MAP7D3: variants seen among roughly 807,000 people sequenced by gnomAD.
The protein encoded by MAP7D3 is MAP7 domain containing 3.
A neutral mutation model predicts 62.2 loss-of-function variants in MAP7D3; 45 were observed. That is an observed-to-expected ratio of 0.72 (90% CI 0.57 to 0.93). MAP7D3 has a LOEUF of 0.93. Ranked by LOEUF, MAP7D3 falls within the 40% of genes least tolerant of loss-of-function variation. The pLI is 0.00. For synonymous variants in MAP7D3, 288 were observed against 248.8 expected (o/e 1.16, Z -1.48); for missense variants, 711 against 683.1 (o/e 1.04, Z -0.45).
At chrX:136,256,195 C>T, upstream of MAP7D3, 15 of 1,130,848 alleles carry the variant, frequency 1.3e-5, no homozygotes, top group Non-Finnish European at 1.7e-5. Flanking sequence ...GACTGTGATG[C>T]CCGGGAAGAG....
Position 136,251,324 on chromosome X carries a change from C to A in MAP7D3, c.35G>T (p.Gly12Val), listed in dbSNP as rs1250629517. 1,323 of 1,128,225 alleles carry A rather than the reference C, an allele frequency of 1.2e-3. No homozygotes were observed. Among genetic ancestry groups the A allele is most frequent in the Non-Finnish European group, 1.5e-3 (1,263 of 860,250 alleles). The allele number at this position is 1,128,225 out of a possible 1,213,427, so 93.0% of individuals were successfully genotyped here. ...MADGAAAGAG[G>V]SPSLRELRAR... ...CCGCAGCTCTCTCAAGGATGGGCTG[C>A]CGCCAGCGCCAGCTGCGGCGCCGTC... Residue 12 changes from glycine (G) to valine (V), a missense_variant, in exon 1 of 19, where the codon GGC becomes GTC. Transcript: ENST00000316077.
rs146428274 is a variant in MAP7D3 at position 136,227,882 on chromosome X, T to G, written c.1887-451A>C. Among the ~76,000 whole-genome samples, 126 of 111,986 alleles carry G rather than the reference T, an allele frequency of 1.1e-3. 1 individual carries two copies. Among genetic ancestry groups the G allele is most frequent in the African/African-American group, 3.9e-3 (119 of 30,831 alleles). ...TTATATGAAGCGATGAATAATATTC[T>G]TCAAGTTAGAGGTTTTTTTTGTAAT... is the stretch of plus-strand genomic sequence containing the variant. On this transcript the variant is annotated intron_variant, in intron 11 of 18. Coordinates refer to ENST00000316077, the MANE Select transcript of MAP7D3 (RefSeq NM_024597.4).
chrX:136,240,471 G>A lies in MAP7D3; in HGVS notation c.551C>T (p.Ala184Val), dbSNP rs1389674962. 15 of 1,176,548 alleles carry A rather than the reference G, an allele frequency of 1.3e-5. No homozygotes were observed. Among genetic ancestry groups the A allele is most frequent in the Non-Finnish European group, 1.7e-5 (15 of 863,717 alleles). Residue 184 changes from alanine to valine, a missense_variant, in exon 6 of 19, where the codon GCA becomes GTA. By Grantham distance (64) the Ala-to-Val change is moderately conservative. Transcript: ENST00000316077. ...SESKTANKRS[A>V]STEKLEQGTS... ...ACCCTGTTCAAGTTTTTCAGTAGAT[G>A]CAGATCGTTTATTGGCTGAGAAAAG...
At chrX:136,219,186 A>G (rs965970341) in intron 18 of MAP7D3, among the ~76,000 whole-genome samples, 3 of 112,189 alleles carry the variant, frequency 2.7e-5, no homozygotes, top group African/African-American at 9.7e-5. Context: ...GAAATGTGGT[A>G]CATAAAAATT....
Position 136,232,183 on chromosome X carries a change from A to G in MAP7D3, c.774T>C (p.Thr258=). The change falls in exon 8 of 19, where the codon ACT becomes ACC. Residue 258 remains threonine, a synonymous_variant. Transcript: ENST00000316077. ...GVTNYVMQYV[T]VPLRKCTSDE... ...CGCTAGTACATTTACGCAAGGGTAC[A>G]GTGACATACTGCATTACATAATTGG... 8.3e-7 allele frequency: 1 copy of G among 1,205,715 alleles called. No homozygotes were observed. The highest frequency in any genetic ancestry group is 1.1e-6 in the Non-Finnish European group (1 of 890,140).
chrX:136,237,172 G>A (rs899576066), intron 6 of MAP7D3, among the ~76,000 whole-genome samples: 1 of 111,920 alleles, frequency 8.9e-6, no homozygotes, highest in Non-Finnish European at 1.9e-5. Context: ...TTTCTCTTTT[G>A]GGGATTTGTA....
At chrX:136,235,177 T>C (rs1320718729) in intron 7 of MAP7D3, among the ~76,000 whole-genome samples, 4 of 112,603 alleles carry the variant, frequency 3.6e-5, no homozygotes, top group Non-Finnish European at 7.5e-5. Flanking sequence ...GAAAGATTCC[T>C]ACAGATAGAC....
chrX:136,244,388 G>C (rs369125466), intron 4 of MAP7D3, among the ~76,000 whole-genome samples: 8 of 111,462 alleles, frequency 7.2e-5, no homozygotes, highest in African/African-American at 2.6e-4. Flanking sequence ...AGGTGGATGG[G>C]GCTTTGTTCC....
In MAP7D3 at chrX:136,244,774, A is replaced by G; in HGVS notation, c.275T>C (p.Leu92Pro). Reference protein sequence around the residue: ...QQDANKETQLLEKERKTKLQY... With the variant: ...QQDANKETQLPEKERKTKLQY... Reference sequence around the variant, plus strand: ...GAGCTTGGTCTTTCTTTCTTTTTCAAGTAGTTGTGTTTCTTTATTGGCTGA... The same window carrying G: ...GAGCTTGGTCTTTCTTTCTTTTTCAGGTAGTTGTGTTTCTTTATTGGCTGA... The change falls in exon 4 of 19, where the codon CTT (leucine) becomes CCT (proline). Residue 92 changes from leucine (L) to proline (P), a missense_variant. Coordinates refer to ENST00000316077, the MANE Select transcript of MAP7D3 (RefSeq NM_024597.4). 1.7e-6 allele frequency: 2 copies of G among 1,194,208 alleles called. No individual in the cohort carries two copies. Among genetic ancestry groups the G allele is most frequent in the Non-Finnish European group, 2.3e-6 (2 of 886,141 alleles).
chrX:136,255,892 C>A (rs2074549033), upstream of MAP7D3, among the ~76,000 whole-genome samples: 1 of 111,718 alleles, frequency 9.0e-6, no homozygotes, highest in Non-Finnish European at 1.9e-5. Flanking sequence ...ACAGTCATAA[C>A]AGGTCTAGAA....
intron 15 of MAP7D3, 61 bp downstream of exon 15, chrX:136,222,332 C>G (rs971825404): frequency 7.1e-5 from 66 of 934,704 alleles, no homozygotes; most frequent in Non-Finnish European, 9.8e-5. Context: ...CCACACAGCT[C>G]AAAAGCAGAG....
intron 1 of MAP7D3, among the ~76,000 whole-genome samples, chrX:136,247,590 ATTTT>A (rs35551706): frequency 6.4e-5 from 6 of 94,297 alleles, no homozygotes; most frequent in Admixed American, 1.2e-4. Flanking sequence ...AAGGATCACC[ATTTT>A]TTTTTTTTTT....
chrX:136,244,488 A>AG, intron 4 of MAP7D3, 144 bp downstream of exon 4: 1 of 497,344 alleles, frequency 2.0e-6, no homozygotes, highest in Non-Finnish European at 3.3e-6. Flanking sequence ...TATAATGCTG[A>AG]GGGGAAGAGG....
chrX:136,219,330 TAGA>T, intron 18 of MAP7D3, 65 bp downstream of exon 18: 6 of 615,926 alleles, frequency 9.7e-6, no homozygotes, highest in Non-Finnish European at 1.6e-5. Flanking sequence ...CTGGAATGGC[TAGA>T]AGGAGGGGAG....
At chrX:136,255,733 G>A (rs1327934569), upstream of MAP7D3, among the ~76,000 whole-genome samples, 3 of 110,807 alleles carry the variant, frequency 2.7e-5, no homozygotes, top group East Asian at 8.5e-4. Flanking sequence ...GAACCCAGGC[G>A]GCTCCTCTCC....
In MAP7D3 at chrX:136,228,645, G is replaced by A. The variant is rs2074226732; in HGVS notation, c.1864C>T (p.Gln622Ter). 1 of 1,207,573 alleles carries A rather than the reference G, an allele frequency of 8.3e-7. No individual in the cohort carries two copies. Among genetic ancestry groups the A allele is most frequent in the Non-Finnish European group, 1.1e-6 (1 of 893,735 alleles). Reference protein sequence around the residue: ...EQREKEEEERQREEMQQRVIK... With the variant: ...EQREKEEEER Reference sequence around the variant, plus strand: ...GACCTTTGCTGCATTTCTTCCCGTTGTCTTTCTTCTTCCTCTTTTTCTCTT... The same window carrying A: ...GACCTTTGCTGCATTTCTTCCCGTTATCTTTCTTCTTCCTCTTTTTCTCTT... The change falls in exon 11 of 19, where the codon CAA (glutamine) becomes TAA (stop). Residue 622 changes from glutamine to a stop codon, truncating the protein, a stop_gained. Transcript: ENST00000316077. LOFTEE classifies it high-confidence loss of function.
chrX:136,243,107 G>T (rs1279859962), intron 4 of MAP7D3, among the ~76,000 whole-genome samples: 1 of 111,152 alleles, frequency 9.0e-6, no homozygotes, highest in Non-Finnish European at 1.9e-5. Context: ...AAGAGCAAAG[G>T]TATGGATGAG....
intron 14 of MAP7D3, among the ~76,000 whole-genome samples, chrX:136,222,876 CTGTTG>C (rs1355831114): frequency 3.8e-5 from 4 of 105,820 alleles, no homozygotes; most frequent in Non-Finnish European, 7.8e-5. Context: ...AAGCCTCACT[CTGTTG>C]CCCAAGATGG....
rs191099701 is a variant in MAP7D3, at chrX:136,244,924, A to G, written c.254-129T>C. 1.0e-3 allele frequency: 472 copies of G among 474,032 alleles called. 2 individuals carry two copies. Among genetic ancestry groups the G allele is most frequent in the Non-Finnish European group, 1.5e-3 (420 of 285,199 alleles). The allele number at this position is 474,032 out of a possible 1,213,427, so 39.1% of individuals were successfully genotyped here. ...TTCTTAAAATAACACAACCTGTGCT[A>G]GTAACTAAAGATTTATTATAAAAGT... On this transcript the variant is annotated intron_variant, in intron 3 of 18. Transcript: ENST00000316077.
Sources: gnomAD v4.1 joint callset for allele counts (sites outside exome capture counted in the v4.1 genomes callset) on GRCh38, gnomAD v4.1.1 for gene constraint, MANE v1.5 for transcripts, NCBI Gene and HGNC (gene_info 2026-07-23, HGNC 2026-07-21) for gene names.